Variants in IGFL4 observed in about 807,000 individuals in gnomAD.
The protein encoded by IGFL4 is insulin growth factor-like family member 4.
In IGFL4, 12 loss-of-function variants were observed where a neutral mutation model predicts 15.4. The observed-to-expected ratio is 0.78, with a 90% CI of 0.50 to 1.26. IGFL4 has a LOEUF of 1.26. IGFL4 is among the 50% of genes most tolerant of loss of function. IGFL4 has a pLI of 0.00. For missense variants in IGFL4, 126 were observed against 147.8 expected (o/e 0.85, Z 0.76); for synonymous variants, 54 against 55.9 (o/e 0.97, Z 0.16).
chr19:46,070,227 A>G (rs16980282), intron 1 of IGFL4, among the ~76,000 whole-genome samples: 6,706 of 152,032 alleles, frequency 0.044, 266 homozygotes, highest in African/African-American at 0.095. Context: ...CAAAAACTCA[A>G]GGAGAAATAA....
chr19:46,073,928 C>A (rs1310990963), intron 1 of IGFL4, among the ~76,000 whole-genome samples: 4 of 152,064 alleles, frequency 2.6e-5, no homozygotes, highest in Non-Finnish European at 5.9e-5. Flanking sequence ...TGATTGATGG[C>A]ACATAATTAC....
intron 1 of IGFL4, among the ~76,000 whole-genome samples, chr19:46,066,680 A>T (rs1254902827): frequency 6.6e-6 from 1 of 152,186 alleles, no homozygotes; most frequent in Non-Finnish European, 1.5e-5. Context: ...AGTGGGAATG[A>T]GACTGAGAGG....
At chr19:46,057,435 G>A (rs16959242) in intron 2 of IGFL4, among the ~76,000 whole-genome samples, 28,806 of 151,964 alleles carry the variant, frequency 0.19, 2,998 homozygotes, top group African/African-American at 0.23. Flanking sequence ...CAATGGATAC[G>A]ATTTTAGTTC....
At chr19:46,074,704 G>A (rs1969578870) in intron 1 of IGFL4, among the ~76,000 whole-genome samples, 1 of 152,182 alleles carries the variant, frequency 6.6e-6, no homozygotes, top group African/African-American at 2.4e-5. Context: ...CAAGCTGGCA[G>A]CTGATTAGAT....
chr19:46,064,110 G>A (rs1366656430), intron 1 of IGFL4, among the ~76,000 whole-genome samples: 1 of 151,288 alleles, frequency 6.6e-6, no homozygotes, highest in Non-Finnish European at 1.5e-5. Context: ...TTTCTTCCTG[G>A]AAGTTTACAT....
Position 46,040,450 on chromosome 19 carries a change from C to G in IGFL4, c.71-34G>C. 1 of 1,613,616 alleles carries G rather than the reference C, an allele frequency of 6.2e-7. No individual in the cohort carries two copies. The highest frequency in any genetic ancestry group is 1.6e-4 in the Middle Eastern group (1 of 6,062). ...GTCGGGGCTGGATGGGCTGCAAGGA[C>G]CAGCCTAGGACCACCTCCCCACCAA... On this transcript the variant is annotated intron_variant, in intron 2 of 3. Coordinates refer to ENST00000377697, the MANE Select transcript of IGFL4 (RefSeq NM_001002923.3). This position sits in a 1 kb window ranked among gnomAD's most constrained non-coding sequence, Gnocchi z 4.1.
intron 1 of IGFL4, among the ~76,000 whole-genome samples, chr19:46,063,330 C>T (rs928944900): frequency 7.0e-5 from 7 of 100,710 alleles, no homozygotes; most frequent in South Asian, 3.2e-4. Context: ...AGAACACACA[C>T]GCATGCACAC....
upstream of IGFL4, among the ~76,000 whole-genome samples, chr19:46,044,125 G>C (rs1969274638): frequency 2.0e-5 from 3 of 152,340 alleles, no homozygotes; most frequent in South Asian, 6.2e-4. Context: ...GAAGCAGTGA[G>C]TGATTGTGCA....
chr19:46,072,192 G>A (rs1340994577), intron 1 of IGFL4, among the ~76,000 whole-genome samples: 1 of 152,248 alleles, frequency 6.6e-6, no homozygotes, highest in Middle Eastern at 3.2e-3. Context: ...ATCTCTGAAA[G>A]TAAAGTCACA....
intron 2 of IGFL4, among the ~76,000 whole-genome samples, chr19:46,055,609 T>C (rs1413017062): frequency 5.3e-5 from 8 of 152,172 alleles, no homozygotes; most frequent in African/African-American, 1.9e-4. Context: ...AAAAACTACA[T>C]CATTAATTGC....
At chr19:46,064,959 C>A (rs1189267036) in intron 1 of IGFL4, among the ~76,000 whole-genome samples, 1 of 151,958 alleles carries the variant, frequency 6.6e-6, no homozygotes, top group Non-Finnish European at 1.5e-5. Flanking sequence ...CTTGTTATTG[C>A]CTGTCTTAAG....
intron 1 of IGFL4, among the ~76,000 whole-genome samples, chr19:46,072,869 G>C (rs955213368): frequency 6.6e-6 from 1 of 152,152 alleles, no homozygotes; most frequent in Non-Finnish European, 1.5e-5. Flanking sequence ...TCAGAGCGGG[G>C]GCTCTGGATC....
chr19:46,060,030 T>C (rs1969429870), intron 2 of IGFL4: 1 of 152,232 alleles, frequency 6.6e-6, no homozygotes, highest in Non-Finnish European at 1.5e-5. Context: ...ATTGGCTTTA[T>C]AAGTCAAGTT....
chr19:46,070,520 G>T (rs1400023174), intron 1 of IGFL4, among the ~76,000 whole-genome samples: 4 of 151,866 alleles, frequency 2.6e-5, no homozygotes, highest in East Asian at 3.9e-4. Flanking sequence ...TTTTATTTCT[G>T]GTGGTGTTAC....
chr19:46,041,404 C>T (rs916516613), upstream of IGFL4, among the ~76,000 whole-genome samples: 8 of 152,168 alleles, frequency 5.3e-5, no homozygotes, highest in African/African-American at 1.2e-4. Context: ...CTCTACTCCC[C>T]GTCTCAGTTC....
At chr19:46,060,532 C>T (rs1196599450) in intron 1 of IGFL4, among the ~76,000 whole-genome samples, 1 of 152,140 alleles carries the variant, frequency 6.6e-6, no homozygotes. Context: ...TGATTACAAA[C>T]CACCTTTTGA....
chr19:46,044,858 C>G (rs1969283153), upstream of IGFL4, among the ~76,000 whole-genome samples: 1 of 151,820 alleles, frequency 6.6e-6, no homozygotes, highest in East Asian at 1.9e-4. Flanking sequence ...TGAACAAACC[C>G]CCAGCACACC....
chr19:46,057,781 G>A (rs1320054499), intron 2 of IGFL4: 4 of 152,158 alleles, frequency 2.6e-5, no homozygotes, highest in African/African-American at 9.7e-5. Flanking sequence ...TTACATAGTG[G>A]CAGGCAAAGA....
intron 1 of IGFL4, chr19:46,062,783 G>A (rs995508442): frequency 6.6e-6 from 1 of 152,240 alleles, no homozygotes; most frequent in African/African-American, 2.4e-5. Context: ...CAAAAGTTTA[G>A]GCCGCCCCTT....
Sources: allele counts gnomAD v4.1 joint callset (sites outside exome capture counted in the v4.1 genomes callset), GRCh38; gene constraint gnomAD v4.1.1; non-coding constraint Gnocchi (gnomAD v3.1); transcripts MANE v1.5; gene names NCBI Gene and HGNC (gene_info 2026-07-23, HGNC 2026-07-21).